Variants in SNX13 observed in about 807,000 individuals in gnomAD.
SNX13 encodes the protein sorting nexin 13, also known as sorting nexin-13.
A neutral mutation model predicts 133.6 loss-of-function variants in SNX13; 45 were observed. The ratio of observed to expected loss-of-function variants is 0.34; its 90% CI spans 0.27 to 0.43. SNX13 has a LOEUF of 0.43. SNX13 is among the 20% of genes least tolerant of loss of function. SNX13 has a pLI of 1.00. For missense variants in SNX13, 1,032 were observed against 1,145.1 expected (o/e 0.90, Z 1.43); for synonymous variants, 414 against 373.9 (o/e 1.11, Z -1.24).
chr7:17,828,898 T>G (rs1482730297), intron 16 of SNX13, among the ~76,000 whole-genome samples: 1 of 151,588 alleles, frequency 6.6e-6, no homozygotes, highest in Admixed American at 6.6e-5. Context: ...TTCATCACAT[T>G]TGGAAACTTT....
intron 16 of SNX13, among the ~76,000 whole-genome samples, chr7:17,827,806 A>G (rs1201290255): frequency 6.6e-6 from 1 of 151,938 alleles, no homozygotes; most frequent in Non-Finnish European, 1.5e-5. Flanking sequence ...TTATGTGCTC[A>G]AGAAATCATT....
intron 18 of SNX13, among the ~76,000 whole-genome samples, chr7:17,818,325 A>C (rs1373868405): frequency 6.6e-6 from 1 of 152,176 alleles, no homozygotes; most frequent in African/African-American, 2.4e-5. Context: ...TTATTTCAGA[A>C]ACTTTAAAAT....
chr7:17,915,468 T>G (rs1033616632), intron 1 of SNX13, among the ~76,000 whole-genome samples: 2 of 152,174 alleles, frequency 1.3e-5, no homozygotes, highest in African/African-American at 2.4e-5. Flanking sequence ...TGATATGCGG[T>G]AAAGTCAACC....
At chr7:17,920,249 C>T (rs1457464234) in intron 1 of SNX13, among the ~76,000 whole-genome samples, 1 of 152,136 alleles carries the variant, frequency 6.6e-6, no homozygotes, top group Non-Finnish European at 1.5e-5. Flanking sequence ...ACATGATATA[C>T]TATAATTATG....
intron 20 of SNX13, among the ~76,000 whole-genome samples, chr7:17,810,229 C>T (rs983155121): frequency 6.6e-6 from 1 of 151,718 alleles, no homozygotes; most frequent in Non-Finnish European, 1.5e-5. Context: ...ACTAGCCAGA[C>T]TAATAAAGAA....
intron 9 of SNX13, among the ~76,000 whole-genome samples, chr7:17,857,704 G>A (rs1583502859): frequency 6.6e-6 from 1 of 152,056 alleles, no homozygotes; most frequent in Admixed American, 6.6e-5. Context: ...AGAATTGCTT[G>A]AACCTGGGAG....
intron 20 of SNX13, among the ~76,000 whole-genome samples, chr7:17,805,250 T>TGTGTGTGCGCGCGCGCGCGCGC: frequency 3.1e-5 from 3 of 95,560 alleles, no homozygotes; most frequent in African/African-American, 6.3e-5. Context: ...TGTGTGTGTG[T>TGTGTGTGCGCGCGCGCGCGCGC]GCGTGCGCGC....
At chr7:17,832,184 T>A (rs1456829661) in intron 15 of SNX13, 10 of 983,964 alleles carry the variant, frequency 1.0e-5, no homozygotes, top group South Asian at 4.7e-5. Context: ...CAAAAAAAAA[T>A]TTTTTAATGT....
At chr7:17,918,662 T>A (rs2714857) in intron 1 of SNX13, among the ~76,000 whole-genome samples, 67,172 of 152,052 alleles carry the variant, frequency 0.44, 15,283 homozygotes, top group South Asian at 0.66. Flanking sequence ...GTTGGAAGTA[T>A]ATTAGTTCAG....
chr7:17,885,786 C>A (rs1375498415), intron 5 of SNX13, among the ~76,000 whole-genome samples: 1 of 152,182 alleles, frequency 6.6e-6, no homozygotes, highest in Non-Finnish European at 1.5e-5. Flanking sequence ...CGAGATCGTG[C>A]CACTGCACTC....
chr7:17,913,296 T>G (rs928086960), intron 1 of SNX13, among the ~76,000 whole-genome samples: 6 of 152,182 alleles, frequency 3.9e-5, no homozygotes, highest in Admixed American at 3.9e-4. Context: ...AGTGCACTGT[T>G]GCAGAGACAG....
chr7:17,909,046 C>A (rs1798672880), intron 1 of SNX13, among the ~76,000 whole-genome samples: 1 of 151,802 alleles, frequency 6.6e-6, no homozygotes, highest in South Asian at 2.1e-4. Context: ...AGCCCTTAAA[C>A]AAACAAAAGA....
At chr7:17,871,882 T>C (rs578091634) in intron 8 of SNX13, among the ~76,000 whole-genome samples, 1 of 152,316 alleles carries the variant, frequency 6.6e-6, no homozygotes, top group South Asian at 2.1e-4. Flanking sequence ...AAGGCCACAC[T>C]ACATGCGAAC....
chr7:17,803,612 T>G (rs1417010265), intron 20 of SNX13, 32 bp from the exon 21 acceptor site: 1 of 1,561,216 alleles, frequency 6.4e-7, no homozygotes, highest in Admixed American at 1.9e-5. Flanking sequence ...TACCATGACT[T>G]TATTGTACCA....
chr7:17,877,839 G>C (rs1356893157), intron 5 of SNX13, among the ~76,000 whole-genome samples: 2 of 151,892 alleles, frequency 1.3e-5, no homozygotes, highest in Admixed American at 1.3e-4. Context: ...ATCTCTTTCT[G>C]AGGTTATTTT....
chr7:17,836,461 G>A (rs1186098131), intron 13 of SNX13, among the ~76,000 whole-genome samples: 1 of 152,060 alleles, frequency 6.6e-6, no homozygotes, highest in Non-Finnish European at 1.5e-5. Flanking sequence ...AGGGTGCAGT[G>A]AGATTATGCA....
At chr7:17,813,587 CTT>C (rs1013139810) in intron 20 of SNX13, among the ~76,000 whole-genome samples, 71 of 138,312 alleles carry the variant, frequency 5.1e-4, no homozygotes, top group Middle Eastern at 3.6e-3. Flanking sequence ...ATATGAACTC[CTT>C]TTTTTTTTTT....
chr7:17,873,176 G>T (rs143299527), intron 8 of SNX13, among the ~76,000 whole-genome samples: 2 of 152,294 alleles, frequency 1.3e-5, no homozygotes, highest in Admixed American at 1.3e-4. Context: ...AAGTTCCCCC[G>T]AAGCTTGGGT....
In SNX13 at chr7:17,906,883, C is replaced by CA. The variant is rs551828907; in HGVS notation, c.13-9438dup. Among the ~76,000 whole-genome samples, 64 of 152,026 alleles carry CA rather than the reference C, an allele frequency of 4.2e-4. No homozygotes were observed. The South Asian group carries it at 0.011, about 25-fold the overall frequency. On this transcript the variant is annotated intron_variant, in intron 1 of 25. Coordinates refer to ENST00000428135, the MANE Select transcript of SNX13 (RefSeq NM_015132.5). ...GTAAAAATTCTTTAAACTGATTCAA[C>CA]AAAAATAAATAAATAAATAAAGATA...
Sources: gnomAD v4.1 joint callset for allele counts (sites outside exome capture counted in the v4.1 genomes callset) on GRCh38, gnomAD v4.1.1 for gene constraint, MANE v1.5 for transcripts, NCBI Gene and HGNC (gene_info 2026-07-23, HGNC 2026-07-21) for gene names.